Variants in CD34 observed in about 807,000 individuals in gnomAD.
CD34 encodes the protein CD34 molecule.
Under a neutral mutation model 40.1 loss-of-function variants are expected in CD34, and 34 were observed. That is an observed-to-expected ratio of 0.85 (90% CI 0.65 to 1.13). CD34 has a LOEUF of 1.13. CD34 is among the 50% of genes most tolerant of loss of function. CD34 has a pLI of 0.00. For missense variants in CD34, 426 were observed against 466.9 expected (o/e 0.91, Z 0.81); for synonymous variants, 209 against 190.0 (o/e 1.10, Z -0.82).
intron 4 of CD34, chr1:207,890,047 G>A: frequency 1.5e-6 from 2 of 1,363,020 alleles, no homozygotes; most frequent in Non-Finnish European, 1.9e-6. Context: ...GTGAGGAGGA[G>A]AGAACAAATC....
intron 1 of CD34, among the ~76,000 whole-genome samples, chr1:207,902,358 A>G (rs1292733032): frequency 6.6e-6 from 1 of 152,172 alleles, no homozygotes; most frequent in Non-Finnish European, 1.5e-5. Flanking sequence ...TATTCCCCAC[A>G]TCTCTGTAGA....
intron 1 of CD34, among the ~76,000 whole-genome samples, chr1:207,901,350 G>A (rs780537994): frequency 3.3e-5 from 5 of 152,220 alleles, no homozygotes; most frequent in South Asian, 4.1e-4. Context: ...TCACATCCAC[G>A]ATGGGCCGCT....
At chr1:207,893,558 C>T (rs1662078718) in intron 4 of CD34, among the ~76,000 whole-genome samples, 1 of 152,138 alleles carries the variant, frequency 6.6e-6, no homozygotes, top group Non-Finnish European at 1.5e-5. Context: ...AGGCTTTTTC[C>T]AGTAGACACA....
intron 7 of CD34, 120 bp from the exon 8 acceptor site, chr1:207,888,043 G>A (rs1464808195): frequency 1.5e-6 from 2 of 1,335,682 alleles, no homozygotes; most frequent in African/African-American, 2.9e-5. Flanking sequence ...GGGGAGGTGG[G>A]AGGAAGGATC....
rs1257119627 is a variant in CD34 at position 207,883,926 on chromosome 1, C to G, written c.*3812G>C. 1.3e-5 allele frequency: 2 copies of G among 152,294 alleles called. No homozygotes were observed. Among genetic ancestry groups the G allele is most frequent in the East Asian group, 3.9e-4 (2 of 5,184 alleles). The allele number at this position is 152,294 out of a possible 1,614,324, so 9.4% of individuals were successfully genotyped here. On this transcript the variant is annotated 3_prime_UTR_variant, in exon 8 of 8. Coordinates refer to ENST00000310833, the MANE Select transcript of CD34 (RefSeq NM_001025109.2). ...CCCTCAACCTCTATTCTCTACTCAG[C>G]AGCCAGCATGATCCTTTTAAAACAT...
rs1437734977 is a variant in CD34 at position 207,882,042 on chromosome 1, C to T, written c.*5696G>A. The T allele has an allele frequency of 3.3e-4, 50 of 152,304 alleles. 1 individual carries two copies. Among genetic ancestry groups the T allele is most frequent in the African/African-American group, 9.6e-5 (4 of 41,558 alleles). The allele number at this position is 152,304 out of a possible 1,614,324, so 9.4% of individuals were successfully genotyped here. A position where few individuals can be genotyped will look rare whatever the true frequency, so the allele number is the denominator to read the frequency against. On this transcript the variant is annotated 3_prime_UTR_variant, in exon 8 of 8. Coordinates refer to ENST00000310833, the MANE Select transcript of CD34 (RefSeq NM_001025109.2). ...AATTTCCTCTCCTCTCTCTTATATT[C>T]GACTTGAACTTCCAGTTCCAGACAA...
Position 207,911,008 on chromosome 1 carries a change from A to C in CD34, c.73T>G (p.Leu25Val). 4 of 1,588,810 alleles carry C rather than the reference A, an allele frequency of 2.5e-6. No homozygotes were observed. The highest frequency in any genetic ancestry group is 3.4e-6 in the Non-Finnish European group (4 of 1,170,554). ...GCGCGCGGGCGGTACTCACGCAGCAAACTCAGCAAGCAAAGCGCGGTCCAG... is the reference window on the plus strand; with the variant it reads ...GCGCGCGGGCGGTACTCACGCAGCACACTCAGCAAGCAAAGCGCGGTCCAG... ...RGWTALCLLS[L>V]LPSGFMSLDN... The change falls in exon 1 of 8, where the codon TTG becomes GTG. Residue 25 changes from leucine (L) to valine (V), a missense_variant. Physicochemically the swap from Leu to Val is conservative, Grantham distance 32 (BLOSUM62 1). Transcript: ENST00000310833.
At chr1:207,910,947 C>G in intron 1 of CD34, 55 bp downstream of exon 1, 2 of 1,504,490 alleles carry the variant, frequency 1.3e-6, no homozygotes, top group Non-Finnish European at 1.8e-6. Context: ...TCCCAGAAAG[C>G]CTCCACCCTC....
chr1:207,899,698 C>A, intron 2 of CD34, 123 bp downstream of exon 2: 2 of 852,438 alleles, frequency 2.3e-6, no homozygotes, highest in Non-Finnish European at 3.7e-6. Flanking sequence ...ATACTCAAGT[C>A]ATTAATACTA....
At chr1:207,894,079 T>C (rs1045985673) in intron 4 of CD34, among the ~76,000 whole-genome samples, 7 of 152,210 alleles carry the variant, frequency 4.6e-5, no homozygotes, top group Admixed American at 4.6e-4. Context: ...CAAATCAGGT[T>C]GCCAAGGAGA....
intron 1 of CD34, 78 bp downstream of exon 1, chr1:207,910,924 C>T: frequency 1.4e-6 from 2 of 1,387,036 alleles, no homozygotes; most frequent in South Asian, 1.2e-5. Context: ...AGACTCTGCT[C>T]TGCTGTTCAG....
At chr1:207,910,683 T>TC (rs1476335920) in intron 1 of CD34, among the ~76,000 whole-genome samples, 1 of 147,640 alleles carries the variant, frequency 6.8e-6, no homozygotes, top group Non-Finnish European at 1.5e-5. Context: ...AACTTCGCAC[T>TC]CCGCGCCTCT....
At position 207,899,781 on chromosome 1, in the gene CD34, C is replaced by T. The variant is rs377021989; in HGVS notation, c.262+40G>A. On this transcript the variant is annotated intron_variant, in intron 2 of 7. Coordinates refer to ENST00000310833, the MANE Select transcript of CD34 (RefSeq NM_001025109.2). ...TCCTAAATGCTTTACCCAAGCATCA[C>T]CAGCATCTCTCCGGGATCTGACACA... 72 of 1,562,396 alleles carry T rather than the reference C, an allele frequency of 4.6e-5. 1 individual carries two copies. Among genetic ancestry groups the T allele is most frequent in the South Asian group, 4.2e-4 (35 of 83,708 alleles).
intron 1 of CD34, among the ~76,000 whole-genome samples, chr1:207,900,996 C>CTT (rs34109724): frequency 0.19 from 24,992 of 134,674 alleles, 3,198 homozygotes; most frequent in East Asian, 0.37. Context: ...GGGATACATA[C>CTT]TTTTTTTTTT....
intron 5 of CD34, 70 bp from the exon 6 acceptor site, chr1:207,889,283 G>A: frequency 2.5e-6 from 4 of 1,611,318 alleles, no homozygotes; most frequent in Middle Eastern, 1.7e-4. Flanking sequence ...CTCCCATGCT[G>A]TTCTAGAAGA....
Position 207,889,499 on chromosome 1 carries a change from A to C in CD34, c.720T>G (p.Pro240=). The stretch of plus-strand genomic sequence containing the variant: ...TGGCCAAGACCAGCAGTAGACACTG[A>C]GGCCTCACCTCAGACTGGGCAAGGA... ...SLLLAQSEVR[P]QCLLLVLANR... is the part of the protein sequence containing the mutation. The change falls in exon 5 of 8, where the codon CCT becomes CCG. Residue 240 remains proline, a synonymous_variant. Coordinates refer to ENST00000310833, the MANE Select transcript of CD34 (RefSeq NM_001025109.2). The C allele has an allele frequency of 1.2e-6, 2 of 1,613,928 alleles. No individual in the cohort carries two copies.
rs560113399 is a variant in CD34 at position 207,899,005 on chromosome 1, T to C, written c.484A>G (p.Thr162Ala). The C allele has an allele frequency of 3.7e-6, 6 of 1,614,192 alleles. No homozygotes were observed. The Admixed American group carries it at 5.0e-5, about 13-fold the overall frequency. Residue 162 changes from threonine (T) to alanine (A), a missense_variant, in exon 3 of 8, where the codon ACA becomes GCA. Physicochemically the swap from Thr to Ala is moderately conservative, Grantham distance 58. Transcript: ENST00000310833. ...SLATSPTKPY[T>A]SSSPILSDIK... ...TCACTTAGGATAGGAGAAGATGATG[T>C]ATAGGGTTTAGTGGGAGATGTTGCA...
At chr1:207,906,529 G>A (rs139753046) in intron 1 of CD34, among the ~76,000 whole-genome samples, 6 of 152,198 alleles carry the variant, frequency 3.9e-5, no homozygotes, top group East Asian at 3.9e-4. Flanking sequence ...CCAGTGTACC[G>A]AGATTTCTGT....
chr1:207,900,996 CTTT>C (rs34109724), intron 1 of CD34, among the ~76,000 whole-genome samples: 3 of 134,732 alleles, frequency 2.2e-5, no homozygotes, highest in Non-Finnish European at 3.1e-5. Flanking sequence ...GGGATACATA[CTTT>C]TTTTTTTTTT....
Sources: gnomAD v4.1 joint callset for allele counts (sites outside exome capture counted in the v4.1 genomes callset) on GRCh38, gnomAD v4.1.1 for gene constraint, MANE v1.5 for transcripts, NCBI Gene and HGNC (gene_info 2026-07-23, HGNC 2026-07-21) for gene names.